GRID2: variants seen among roughly 807,000 people sequenced by gnomAD.
GRID2 encodes the protein glutamate receptor ionotropic, delta-2.
GRID2 carries 33 observed loss-of-function variants against 114.8 expected under a neutral mutation model. The ratio of observed to expected loss-of-function variants is 0.29; its 90% confidence interval spans 0.22 to 0.38. The LOEUF (loss-of-function observed/expected upper bound fraction) is 0.38. Ranked by LOEUF, GRID2 falls within the 10% of genes least tolerant of loss-of-function variation. The pLI, the probability that GRID2 is intolerant of heterozygous loss-of-function variation, is 1.00. For synonymous variants in GRID2, 505 were observed against 449.9 expected, an observed-to-expected ratio of 1.12 and a Z score of -1.55; for missense variants, 1,184 against 1,257.7, an observed-to-expected ratio of 0.94 and a Z score of 0.89.
intron 8 of GRID2, among the ~76,000 whole-genome samples, chr4:93,358,678 T>C (rs1342390792): frequency 1.3e-5 from 2 of 152,052 alleles, no homozygotes; most frequent in Non-Finnish European, 2.9e-5. Flanking sequence ...AAGATTGGAT[T>C]ACATTGTACC....
chr4:93,174,117 A>G (rs1287471712), intron 4 of GRID2, among the ~76,000 whole-genome samples: 3 of 152,190 alleles, frequency 2.0e-5, no homozygotes, highest in Non-Finnish European at 4.4e-5. Context: ...AGATTTCACA[A>G]GTCTTACATT....
chr4:92,435,323 A>T (rs2110347753), intron 1 of GRID2, among the ~76,000 whole-genome samples: 1 of 152,326 alleles, frequency 6.6e-6, no homozygotes, highest in East Asian at 1.9e-4. Flanking sequence ...AGTAAAATGT[A>T]ACTATTCAAA....
At chr4:92,502,815 T>G (rs890897509) in intron 1 of GRID2, among the ~76,000 whole-genome samples, 1 of 145,064 alleles carries the variant, frequency 6.9e-6, no homozygotes, top group African/African-American at 2.6e-5. Context: ...CCTCCTGGGT[T>G]CAAGCAAATC....
chr4:92,822,341 G>T, intron 2 of GRID2: 1 of 628,206 alleles, frequency 1.6e-6, no homozygotes, highest in South Asian at 1.4e-5. Flanking sequence ...GACAGTCACA[G>T]TGTTCAGATG....
intron 1 of GRID2, among the ~76,000 whole-genome samples, chr4:92,538,991 G>A (rs901254068): frequency 4.7e-5 from 7 of 148,876 alleles, no homozygotes; most frequent in South Asian, 2.1e-4. Flanking sequence ...GCAGTGAGCC[G>A]AGATCACTCC....
At chr4:92,650,799 A>T (rs1731890394) in intron 2 of GRID2, among the ~76,000 whole-genome samples, 1 of 151,800 alleles carries the variant, frequency 6.6e-6, no homozygotes, top group Non-Finnish European at 1.5e-5. Context: ...TGGTTCCTGG[A>T]CCCATAAATC....
intron 2 of GRID2, among the ~76,000 whole-genome samples, chr4:92,643,080 G>T (rs1406125801): frequency 1.3e-5 from 2 of 151,516 alleles, no homozygotes; most frequent in Admixed American, 6.6e-5. Flanking sequence ...GGTTATTTGT[G>T]CTCTTTTTTG....
At chr4:93,098,628 A>G (rs1731433896) in intron 3 of GRID2, among the ~76,000 whole-genome samples, 1 of 151,950 alleles carries the variant, frequency 6.6e-6, no homozygotes, top group African/African-American at 2.4e-5. Context: ...GGTAGAACTG[A>G]TTTACTAGAA....
At chr4:92,641,914 T>TTGGAATGA (rs1731374411) in intron 2 of GRID2, among the ~76,000 whole-genome samples, 2 of 150,338 alleles carry the variant, frequency 1.3e-5, no homozygotes, top group African/African-American at 4.9e-5. Context: ...TTAATTTGCT[T>TTGGAATGA]TGGAATGATG....
chr4:92,507,592 G>A (rs1724041942), intron 1 of GRID2, among the ~76,000 whole-genome samples: 1 of 151,722 alleles, frequency 6.6e-6, no homozygotes, highest in Non-Finnish European at 1.5e-5. Flanking sequence ...TAAAAAATCA[G>A]TACAAGAGCT....
At chr4:93,011,390 T>C (rs1341032220) in intron 2 of GRID2, among the ~76,000 whole-genome samples, 2 of 151,938 alleles carry the variant, frequency 1.3e-5, no homozygotes, top group African/African-American at 2.4e-5. Context: ...CTGCCAGTAG[T>C]GATAAAAAAA....
intron 2 of GRID2, among the ~76,000 whole-genome samples, chr4:92,751,337 C>T (rs1737446170): frequency 1.3e-5 from 2 of 151,828 alleles, no homozygotes; most frequent in South Asian, 4.2e-4. Flanking sequence ...AAAAAATAGC[C>T]ATCTTTCAAT....
Position 93,772,560 on chromosome 4 carries a change from A to G in GRID2, c.*62A>G. ...ACTCCCTTTGCAAGGAGCAACTGTA[A>G]TATTGTGGGACTAACATGGATGTAA... On this transcript the variant is annotated 3_prime_UTR_variant, in exon 16 of 16. Coordinates refer to ENST00000282020, the MANE Select transcript of GRID2 (RefSeq NM_001510.4). 8.7e-7 allele frequency: 1 copy of G among 1,150,722 alleles called. No homozygotes were observed. The highest frequency in any genetic ancestry group is 1.2e-6 in the Non-Finnish European group (1 of 801,280). The allele number at this position is 1,150,722 out of a possible 1,614,324, so 71.3% of individuals were successfully genotyped here. A position where few individuals can be genotyped will look rare whatever the true frequency, so the allele number is the denominator to read the frequency against.
intron 2 of GRID2, among the ~76,000 whole-genome samples, chr4:93,013,801 G>A (rs949872795): frequency 6.6e-6 from 1 of 151,376 alleles, no homozygotes; most frequent in African/African-American, 2.4e-5. Context: ...AAAATTAAAG[G>A]ATATATATAT....
In GRID2 at chr4:93,006,268, G is replaced by A. The variant is rs190253064; in HGVS notation, c.245-78727G>A. ...ACCTGTAACAATAGTTCTGGCTCTG[G>A]AGCCCACACTGAATTAGAAAGACAG... On this transcript the variant is annotated intron_variant, in intron 2 of 15. Transcript: ENST00000282020. Among the ~76,000 whole-genome samples the A allele has an allele frequency of 2.7e-3, 408 of 152,090 alleles. 6 individuals carry two copies. The highest frequency in any genetic ancestry group is 9.3e-3 in the African/African-American group (385 of 41,492).
intron 1 of GRID2, among the ~76,000 whole-genome samples, chr4:92,492,022 C>T (rs1265821396): frequency 6.6e-6 from 1 of 152,082 alleles, no homozygotes; most frequent in East Asian, 1.9e-4. Context: ...TCAGTCTATT[C>T]CCAGAATCCG....
intron 2 of GRID2, among the ~76,000 whole-genome samples, chr4:93,046,605 T>G (rs936688758): frequency 7.9e-5 from 12 of 151,908 alleles, no homozygotes; most frequent in Admixed American, 2.6e-4. Context: ...TTAATCAGAG[T>G]AGTTTTCAGT....
At chr4:92,539,252 A>C (rs1725807250) in intron 1 of GRID2, among the ~76,000 whole-genome samples, 1 of 152,176 alleles carries the variant, frequency 6.6e-6, no homozygotes, top group Admixed American at 6.6e-5. Flanking sequence ...TTGTTTCTAG[A>C]CTTGAAACTA....
intron 14 of GRID2, among the ~76,000 whole-genome samples, chr4:93,736,835 A>G (rs1730961230): frequency 6.7e-6 from 1 of 149,304 alleles, no homozygotes. Context: ...TGGTAATCCT[A>G]CAGGTTGTTA....
Sources: gnomAD v4.1 joint callset for allele counts (sites outside exome capture counted in the v4.1 genomes callset) on GRCh38, gnomAD v4.1.1 for gene constraint, MANE v1.5 for transcripts, NCBI Gene and HGNC (gene_info 2026-07-23, HGNC 2026-07-21) for gene names.